Variants in ROCK2 observed in about 807,000 individuals in gnomAD.
The protein encoded by ROCK2 is Rho associated coiled-coil containing protein kinase 2.
A neutral mutation model predicts 195.1 loss-of-function variants in ROCK2; 61 were observed. The observed-to-expected ratio is 0.31, with a 90% CI of 0.25 to 0.39. ROCK2 has a LOEUF of 0.39. ROCK2 is among the 10% of genes least tolerant of loss of function. The probability of loss-of-function intolerance (pLI) is 1.00; values close to 1 mark genes in which losing one functional copy is unlikely to be tolerated. For synonymous variants in ROCK2, 504 were observed against 545.5 expected (o/e 0.92, Z 1.06); for missense variants, 1,109 against 1,637.4 (o/e 0.68, Z 5.57).
At chr2:11,328,632 A>C (rs1668620208) in intron 1 of ROCK2, among the ~76,000 whole-genome samples, 1 of 152,144 alleles carries the variant, frequency 6.6e-6, no homozygotes, top group Non-Finnish European at 1.5e-5. Flanking sequence ...AATACACTTG[A>C]AACTATTCAC....
At position 11,197,988 on chromosome 2, in the gene ROCK2, A is replaced by G. The variant is rs1318421028; in HGVS notation, c.3100-283T>C. ...TCTGATGTTGCTTTCTACCATTTTG[A>G]CTTTTTAGTTCTAGAGAGACTTTAA... On this transcript the variant is annotated intron_variant, in intron 25 of 32. Coordinates refer to ENST00000315872, the MANE Select transcript of ROCK2 (RefSeq NM_004850.5). The surrounding 1 kb of genome is among the most constrained non-coding windows in gnomAD (Gnocchi z 4.9). Among the ~76,000 whole-genome samples the G allele has an allele frequency of 2.0e-5, 3 of 152,182 alleles. No homozygotes were observed. The highest frequency in any genetic ancestry group is 7.2e-5 in the African/African-American group (3 of 41,446).
At chr2:11,238,823 C>T (rs570296173) in intron 4 of ROCK2, among the ~76,000 whole-genome samples, 6 of 151,922 alleles carry the variant, frequency 3.9e-5, no homozygotes, top group East Asian at 1.9e-4. Flanking sequence ...CTCCAGTCTG[C>T]GCAACACAGT....
chr2:11,259,319 A>AT (rs1666142326), intron 3 of ROCK2, among the ~76,000 whole-genome samples: 1 of 151,314 alleles, frequency 6.6e-6, no homozygotes, highest in Admixed American at 6.6e-5. Flanking sequence ...GTATCTTTGC[A>AT]TTAACTATAC....
chr2:11,274,842 C>T (rs1378100393), intron 3 of ROCK2, among the ~76,000 whole-genome samples: 2 of 152,172 alleles, frequency 1.3e-5, no homozygotes, highest in Non-Finnish European at 2.9e-5. Flanking sequence ...ATTCCAAGAC[C>T]CCAGTGGTTA....
At chr2:11,343,904 T>G (rs991645702) in intron 1 of ROCK2, 92 bp downstream of exon 1, 5 of 1,434,892 alleles carry the variant, frequency 3.5e-6, no homozygotes, top group Admixed American at 2.6e-5. Context: ...GACCTCCCCC[T>G]CCCCACGGGC....
At position 11,207,872 on chromosome 2, in the gene ROCK2, C is replaced by T. The variant is rs1664108419; in HGVS notation, c.2403G>A (p.Gln801=). 1.3e-6 allele frequency: 2 copies of T among 1,596,606 alleles called. No homozygotes were observed. The highest frequency in any genetic ancestry group is 1.3e-5 in the African/African-American group (1 of 74,336). The change falls in exon 20 of 33, where the codon CAG becomes CAA. Residue 801 remains glutamine, a synonymous_variant. Transcript: ENST00000315872. The part of the protein sequence containing the change: ...NLTLKIEQET[Q]KRCLTQNDLK... ...GGTCATTTTGTGTAAGGCAGCGCTT[C>T]TGAGTTTCTTGCTCTATTTTTAATG...
rs61575329 is a variant in ROCK2, at chr2:11,324,809, G to A, written c.141+19187C>T. Among the ~76,000 whole-genome samples, 232 of 152,282 alleles carry A rather than the reference G, an allele frequency of 1.5e-3. 1 individual carries two copies. Among genetic ancestry groups the A allele is most frequent in the African/African-American group, 5.2e-3 (218 of 41,548 alleles). ...TATTATTTCTGCTATGACAATAACC[G>A]TAATAGTACATCATAAAAACCTCTA... On this transcript the variant is annotated intron_variant, in intron 1 of 32. Coordinates refer to ENST00000315872, the MANE Select transcript of ROCK2 (RefSeq NM_004850.5).
chr2:11,215,161 C>T, intron 15 of ROCK2, 75 bp from the exon 16 acceptor site: 1 of 1,551,730 alleles, frequency 6.4e-7, no homozygotes. Flanking sequence ...AATGTATTCC[C>T]CCATTAGAAA....
rs776246728 is a variant in ROCK2 at position 11,222,074 on chromosome 2, T to C, written c.1099+9A>G. ...GATGGAATGAAAATATTTAGGTTTA[T>C]TGACTTACTTTCTCTTATGTTATCC... is the stretch of plus-strand genomic sequence containing the variant. On this transcript the variant is annotated intron_variant, in intron 8 of 32. Transcript: ENST00000315872. 15 of 1,525,566 alleles carry C rather than the reference T, an allele frequency of 9.8e-6. No individual in the cohort carries two copies. The highest frequency in any genetic ancestry group is 6.8e-5 in the South Asian group (6 of 88,664). The allele number at this position is 1,525,566 out of a possible 1,614,324, so 94.5% of individuals were successfully genotyped here. A position where few individuals can be genotyped will look rare whatever the true frequency, so the allele number is the denominator to read the frequency against.
intron 1 of ROCK2, among the ~76,000 whole-genome samples, chr2:11,291,732 T>G (rs1667369244): frequency 6.6e-6 from 1 of 152,224 alleles, no homozygotes; most frequent in Non-Finnish European, 1.5e-5. Context: ...GCTGAAAATT[T>G]TATACATTTA....
chr2:11,273,677 A>G (rs533466201), intron 3 of ROCK2, among the ~76,000 whole-genome samples: 10 of 152,332 alleles, frequency 6.6e-5, no homozygotes, highest in African/African-American at 2.2e-4. Context: ...AATAACATAT[A>G]TAATATTCTC....
rs553225674 is a variant in ROCK2, at chr2:11,202,233, A to C, written c.2550-112T>G. The C allele has an allele frequency of 1.9e-4, 161 of 825,996 alleles. No individual in the cohort carries two copies. The South Asian group carries it at 2.1e-3, about 11-fold the overall frequency. 51.2% of individuals were successfully genotyped at this position (825,996 alleles called of 1,614,324 possible). A position where few individuals can be genotyped will look rare whatever the true frequency, so the allele number is the denominator to read the frequency against. On this transcript the variant is annotated intron_variant, in intron 20 of 32. Coordinates refer to ENST00000315872, the MANE Select transcript of ROCK2 (RefSeq NM_004850.5). ...GGAGTCTCTGAGGTTCTTCCACAGA[A>C]CCCATAAGGTCAAATCATTTTCATA...
rs566179302 is a variant in ROCK2, at chr2:11,212,158, C to T, written c.2044-318G>A. Among the ~76,000 whole-genome samples the T allele has an allele frequency of 6.6e-5, 10 of 152,188 alleles. 1 individual carries two copies. The South Asian group carries it at 1.9e-3, about 28-fold the overall frequency. ...TCTTGAACTCCTGGGCTCAAGTGAT[C>T]CTCCCGACTCAGCCTCCCACAGTGC... On this transcript the variant is annotated intron_variant, in intron 17 of 32. Transcript: ENST00000315872.
intron 6 of ROCK2, among the ~76,000 whole-genome samples, chr2:11,224,774 A>T (rs1260849034): frequency 3.3e-5 from 5 of 152,034 alleles, no homozygotes; most frequent in African/African-American, 1.2e-4. Context: ...AGTCCAAGAG[A>T]AAGAGTTCCT....
chr2:11,291,807 T>A (rs1331977762), intron 1 of ROCK2, among the ~76,000 whole-genome samples: 1 of 152,164 alleles, frequency 6.6e-6, no homozygotes, highest in African/African-American at 2.4e-5. Flanking sequence ...AGAGGACTGA[T>A]TATAGATAAA....
At chr2:11,223,262 T>A (rs964389535) in intron 7 of ROCK2, among the ~76,000 whole-genome samples, 3 of 152,162 alleles carry the variant, frequency 2.0e-5, no homozygotes, top group African/African-American at 4.8e-5. Flanking sequence ...CAAATAAAAA[T>A]AATTATCCTC....
chr2:11,248,838 A>C (rs1008397948), intron 4 of ROCK2, among the ~76,000 whole-genome samples: 1 of 149,646 alleles, frequency 6.7e-6, no homozygotes, highest in Non-Finnish European at 1.5e-5. Flanking sequence ...CTAAATGTTT[A>C]TTGTAGGAAG....
intron 1 of ROCK2, among the ~76,000 whole-genome samples, chr2:11,317,606 A>T (rs1432398457): frequency 0.07 from 1,131 of 16,090 alleles, 84 homozygotes; most frequent in East Asian, 0.33. Flanking sequence ...ATATATATAT[A>T]TATATATTTT....
intron 1 of ROCK2, among the ~76,000 whole-genome samples, chr2:11,321,088 A>G (rs370892351): frequency 3.9e-5 from 6 of 152,336 alleles, no homozygotes; most frequent in South Asian, 2.1e-4. Context: ...CTGTACTCAA[A>G]AGGCTTTTCC....
Sources: gnomAD v4.1 joint callset for allele counts (sites outside exome capture counted in the v4.1 genomes callset) on GRCh38, gnomAD v4.1.1 for gene constraint, Gnocchi (gnomAD v3.1) non-coding constraint, MANE v1.5 for transcripts, NCBI Gene and HGNC (gene_info 2026-07-23, HGNC 2026-07-21) for gene names.